CUBN: variants seen among roughly 807,000 people sequenced by gnomAD.
CUBN encodes 460 kDa receptor.
In CUBN, 282 loss-of-function variants were observed where a neutral mutation model predicts 405.3. The ratio of observed to expected loss-of-function variants is 0.70; its 90% CI spans 0.63 to 0.77. The LOEUF (loss-of-function observed/expected upper bound fraction) is 0.77. Ranked by LOEUF, CUBN falls within the 30% of genes least tolerant of loss-of-function variation. The probability of loss-of-function intolerance (pLI) is 0.00; values close to 1 mark genes in which losing one functional copy is unlikely to be tolerated. For synonymous variants in CUBN, 1,684 were observed against 1,617.0 expected, an observed-to-expected ratio of 1.04 and a Z score of -0.99; for missense variants, 4,514 against 4,475.2, an observed-to-expected ratio of 1.01 and a Z score of -0.25.
chr10:17,078,993 A>G (rs1413959441), intron 17 of CUBN, among the ~76,000 whole-genome samples: 2 of 152,154 alleles, frequency 1.3e-5, no homozygotes, highest in African/African-American at 4.8e-5. Context: ...ATTCTCTACA[A>G]GTTCTCACAA....
intron 28 of CUBN, among the ~76,000 whole-genome samples, chr10:16,997,858 T>C (rs1833778482): frequency 6.6e-6 from 1 of 152,100 alleles, no homozygotes; most frequent in African/African-American, 2.4e-5. Flanking sequence ...CCTACTAGGG[T>C]CACTAGTCCT....
chr10:16,957,690 A>G (rs1039420612), intron 31 of CUBN, among the ~76,000 whole-genome samples: 1 of 152,222 alleles, frequency 6.6e-6, no homozygotes, highest in Non-Finnish European at 1.5e-5. Flanking sequence ...AAAATCAAAA[A>G]TAGAGCTACC....
At chr10:16,933,826 C>T (rs1842425696) in intron 39 of CUBN, among the ~76,000 whole-genome samples, 1 of 152,020 alleles carries the variant, frequency 6.6e-6, no homozygotes, top group African/African-American at 2.4e-5. Context: ...TTTTTCCTTT[C>T]AAGTTTACTG....
At chr10:17,094,486 C>T (rs1334109454) in intron 14 of CUBN, among the ~76,000 whole-genome samples, 2 of 151,960 alleles carry the variant, frequency 1.3e-5, no homozygotes, top group African/African-American at 2.4e-5. Flanking sequence ...CATGATCTTT[C>T]ATACATAGAA....
At chr10:17,002,435 G>A (rs1833918598) in intron 28 of CUBN, among the ~76,000 whole-genome samples, 1 of 150,090 alleles carries the variant, frequency 6.7e-6, no homozygotes, top group South Asian at 2.1e-4. Flanking sequence ...ATTTGGGAAG[G>A]TCATGGTGGT....
intron 17 of CUBN, among the ~76,000 whole-genome samples, chr10:17,083,560 T>G (rs1393162364): frequency 3.8e-5 from 2 of 53,006 alleles, no homozygotes; most frequent in African/African-American, 1.5e-4. Context: ...GCTGTAGTGC[T>G]ATGGTCAATG....
intron 48 of CUBN, among the ~76,000 whole-genome samples, chr10:16,912,585 C>T (rs1454309837): frequency 1.3e-5 from 2 of 152,168 alleles, no homozygotes; most frequent in Non-Finnish European, 2.9e-5. Flanking sequence ...GATTAAAAGG[C>T]ATTCGAGCAG....
At position 17,047,499 on chromosome 10, in the gene CUBN, T is replaced by G. The variant is rs1257873043; in HGVS notation, c.3244A>C (p.Thr1082Pro). ...WECIYRITVR[T>P]GQLIAVHFTN... ...AAGTGCACTGCAATCAGTTGGCCAG[T>G]TCTCACTGTGATCCGATAAATGCAT... The change falls in exon 23 of 67, where the codon ACT becomes CCT. Residue 1082 changes from threonine to proline, a missense_variant. Transcript: ENST00000377833. The G allele has an allele frequency of 6.2e-7, 1 of 1,613,994 alleles. No individual in the cohort carries two copies. Among genetic ancestry groups the G allele is most frequent in the East Asian group, 2.2e-5 (1 of 44,862 alleles).
intron 22 of CUBN, among the ~76,000 whole-genome samples, chr10:17,055,525 G>A (rs1835373408): frequency 6.6e-6 from 1 of 151,984 alleles, no homozygotes; most frequent in African/African-American, 2.4e-5. Context: ...TATACTAAAG[G>A]ATTTATTTAA....
At chr10:17,044,022 A>C (rs761263890) in intron 25 of CUBN, 39 bp from the exon 26 acceptor site, 1 of 1,554,380 alleles carries the variant, frequency 6.4e-7, no homozygotes, top group Non-Finnish European at 8.8e-7. Flanking sequence ...GGTTGAGACT[A>C]TAAACATTAT....
At chr10:16,855,859 G>T (rs796386639) in intron 59 of CUBN, among the ~76,000 whole-genome samples, 43 of 152,300 alleles carry the variant, frequency 2.8e-4, no homozygotes, top group African/African-American at 1.0e-3. Flanking sequence ...TGAGTGAACA[G>T]TTATTTGTGT....
intron 14 of CUBN, among the ~76,000 whole-genome samples, chr10:17,090,556 T>C (rs1407487366): frequency 2.6e-5 from 4 of 152,080 alleles, no homozygotes; most frequent in African/African-American, 7.2e-5. Context: ...GGTGAAATAA[T>C]TGCATTGAGC....
chr10:17,071,380 T>C (rs767044441), intron 19 of CUBN, 46 bp downstream of exon 19: 33 of 1,580,180 alleles, frequency 2.1e-5, no homozygotes, highest in Non-Finnish European at 2.4e-5. Flanking sequence ...TAATATTTTT[T>C]ATAATATACA....
chr10:17,109,807 C>A (rs1836728392), intron 9 of CUBN, 72 bp from the exon 10 acceptor site: 1 of 1,204,206 alleles, frequency 8.3e-7, no homozygotes, highest in African/African-American at 1.5e-5. Context: ...GTCTAGGATT[C>A]AAATATCATG....
chr10:16,826,300 TTACA>T (rs1838780262), intron 66 of CUBN, among the ~76,000 whole-genome samples: 1 of 138,408 alleles, frequency 7.2e-6, no homozygotes, highest in South Asian at 2.3e-4. Context: ...ACAAACATAT[TTACA>T]TACATAAAAA....
Position 16,906,466 on chromosome 10 carries a change from G to A in CUBN, c.7706-57C>T. On this transcript the variant is annotated intron_variant, in intron 49 of 66. Coordinates refer to ENST00000377833, the MANE Select transcript of CUBN (RefSeq NM_001081.4). ...TAGTAAGATTCAGGCCACAACGGAA[G>A]AGATAAACAATACAGGAACAGTAAC... 6.7e-6 allele frequency: 8 copies of A among 1,198,376 alleles called. No individual in the cohort carries two copies. In the South Asian group the frequency reaches 9.8e-5, roughly 15 times the overall value. The allele number at this position is 1,198,376 out of a possible 1,614,324, so 74.2% of individuals were successfully genotyped here.
At chr10:17,058,824 C>CT (rs1835446907) in intron 22 of CUBN, among the ~76,000 whole-genome samples, 1 of 151,958 alleles carries the variant, frequency 6.6e-6, no homozygotes, top group African/African-American at 2.4e-5. Flanking sequence ...AATGTGTTTC[C>CT]ATACAAGGAT....
intron 48 of CUBN, among the ~76,000 whole-genome samples, chr10:16,908,602 TTAAA>T (rs1317391055): frequency 6.6e-6 from 1 of 152,228 alleles, no homozygotes; most frequent in Non-Finnish European, 1.5e-5. Flanking sequence ...CTCTAAAATA[TTAAA>T]TAATAGCTGT....
Position 16,851,391 on chromosome 10 carries a change from G to C in CUBN, c.9507C>G (p.Ala3169=). The change falls in exon 60 of 67, where the codon GCC becomes GCG. Residue 3169 remains alanine, a synonymous_variant. Coordinates refer to ENST00000377833, the MANE Select transcript of CUBN (RefSeq NM_001081.4). ...GYLTGSNNTF[A]SPDSDSNGMY... ...TTCCATTCGAATCAGAATCAGGAGA[G>C]GCAAAGGTATTATTCGAGCCTGTCA... is the stretch of plus-strand genomic sequence containing the variant. 1 of 1,614,090 alleles carries C rather than the reference G, an allele frequency of 6.2e-7. No homozygotes were observed. The highest frequency in any genetic ancestry group is 8.5e-7 in the Non-Finnish European group (1 of 1,180,018).
Sources: gnomAD v4.1 joint callset for allele counts (sites outside exome capture counted in the v4.1 genomes callset) on GRCh38, gnomAD v4.1.1 for gene constraint, MANE v1.5 for transcripts, NCBI Gene and HGNC (gene_info 2026-07-23, HGNC 2026-07-21) for gene names.